The following ENPP3 variants were observed in gnomAD, a reference collection of about 807,000 sequenced individuals.
ENPP3 encodes ectonucleotide pyrophosphatase/phosphodiesterase family member 3.
ENPP3 carries 104 observed loss-of-function variants against 117.8 expected under a neutral mutation model. The ratio of observed to expected loss-of-function variants is 0.88; its 90% CI spans 0.75 to 1.04. The LOEUF (loss-of-function observed/expected upper bound fraction) is 1.04. Ranked by LOEUF, ENPP3 falls within the 50% of genes least tolerant of loss-of-function variation. The pLI is 0.00. For synonymous variants in ENPP3, 380 were observed against 349.9 expected, an observed-to-expected ratio of 1.09 and a Z score of -0.96; for missense variants, 1,026 against 1,051.9, an observed-to-expected ratio of 0.98 and a Z score of 0.34.
chr6:131,674,364 C>A, intron 8 of ENPP3, 83 bp downstream of exon 8: 2 of 1,338,432 alleles, frequency 1.5e-6, no homozygotes, highest in Non-Finnish European at 2.1e-6. Context: ...CTCAGTGGAG[C>A]AAGTTCTATG....
At position 131,685,403 on chromosome 6, in the gene ENPP3, CTGAT is replaced by C; in HGVS notation, c.1162_1165del (p.Asp388IlefsTer5). Reference sequence around the variant, plus strand: ...TATTGTAACAAGATGGAATACATGACTGATTATTTTCCCAGAATAAACTTCTTCT... The same window carrying C: ...TATTGTAACAAGATGGAATACATGACTATTTTCCCAGAATAAACTTCTTCT... On this transcript the variant is annotated frameshift_variant, in exon 13 of 25. Transcript: ENST00000357639. LOFTEE classifies it high-confidence loss of function. 6.2e-7 allele frequency: 1 copy of C among 1,612,204 alleles called. No individual in the cohort carries two copies. Among genetic ancestry groups the C allele is most frequent in the Non-Finnish European group, 8.5e-7 (1 of 1,178,350 alleles).
intron 2 of ENPP3, among the ~76,000 whole-genome samples, chr6:131,648,905 T>C (rs1400443257): frequency 2.0e-5 from 3 of 152,326 alleles, no homozygotes; most frequent in South Asian, 4.1e-4. Flanking sequence ...TCAGTATCTT[T>C]AGTTTATGTC....
At chr6:131,656,963 T>G (rs1411004514) in intron 5 of ENPP3, among the ~76,000 whole-genome samples, 1 of 152,122 alleles carries the variant, frequency 6.6e-6, no homozygotes, top group Non-Finnish European at 1.5e-5. Context: ...CCACTCTTGA[T>G]CCCAGAGACA....
intron 14 of ENPP3, among the ~76,000 whole-genome samples, chr6:131,690,368 G>T (rs1779251528): frequency 6.6e-6 from 1 of 152,168 alleles, no homozygotes; most frequent in African/African-American, 2.4e-5. Context: ...TGATCAGTCA[G>T]CAGCCATCAA....
chr6:131,675,444 C>A (rs1778846279), intron 9 of ENPP3: 1 of 370,568 alleles, frequency 2.7e-6, no homozygotes. Context: ...TCATCTCTTG[C>A]CTGTATTAAC....
intron 10 of ENPP3, 76 bp downstream of exon 10, chr6:131,676,877 TTTAAA>T: frequency 2.2e-6 from 2 of 905,344 alleles, no homozygotes; most frequent in Non-Finnish European, 3.5e-6. Context: ...TTTTTTTTAC[TTTAAA>T]TTACAATTTT....
chr6:131,723,825 T>TCACACACACA lies in ENPP3; in HGVS notation c.1747-214_1747-213insACACACACAC, dbSNP rs780029112. Among the ~76,000 whole-genome samples the TCACACACACA allele has an allele frequency of 4.9e-3, 692 of 140,834 alleles. 4 individuals carry two copies. Among genetic ancestry groups the TCACACACACA allele is most frequent in the Middle Eastern group, 0.027 (7 of 256 alleles). 92.4% of individuals were successfully genotyped at this position (140,834 alleles called of 152,430 possible). ...AATTCTCTCTCTCTCTCTCTCTCTC[T>TCACACACACA]CTCACACACACACACACACACACAC... On this transcript the variant is annotated intron_variant, in intron 18 of 24. Transcript: ENST00000357639.
intron 24 of ENPP3, among the ~76,000 whole-genome samples, chr6:131,744,911 G>A (rs949051774): frequency 1.3e-5 from 2 of 152,070 alleles, no homozygotes; most frequent in African/African-American, 4.8e-5. Context: ...CTAGTGCAGC[G>A]AGAGCAGTTG....
In ENPP3 at chr6:131,652,606, T is replaced by C; in HGVS notation, c.342T>C (p.Ser114=). 1 of 1,614,092 alleles carries C rather than the reference T, an allele frequency of 6.2e-7. No individual in the cohort carries two copies. The highest frequency in any genetic ancestry group is 8.5e-7 in the Non-Finnish European group (1 of 1,179,920). ...CCAGATTAGAGGCCAGCCTTTGCTC[T>C]TGTTCAGATGACTGTTTGCAGAGGA... is the stretch of plus-strand genomic sequence containing the variant. The part of the protein sequence containing the change: ...GETRLEASLC[S]CSDDCLQRKD... The change falls in exon 4 of 25, where the codon TCT becomes TCC. Residue 114 remains serine, a synonymous_variant. Coordinates refer to ENST00000357639, the MANE Select transcript of ENPP3 (RefSeq NM_005021.5).
Position 131,746,990 on chromosome 6 carries a change from T to C in ENPP3, c.*34T>C. On this transcript the variant is annotated 3_prime_UTR_variant, in exon 25 of 25. Coordinates refer to ENST00000357639, the MANE Select transcript of ENPP3 (RefSeq NM_005021.5). ...TGTCTACTTAATATATAATTTACTG[T>C]ATAAAGTAATTTTGGCAAAATATAA... is the stretch of plus-strand genomic sequence containing the variant. 5 of 1,218,514 alleles carry C rather than the reference T, an allele frequency of 4.1e-6. No individual in the cohort carries two copies. Among genetic ancestry groups the C allele is most frequent in the Non-Finnish European group, 5.5e-6 (5 of 906,658 alleles). The allele number at this position is 1,218,514 out of a possible 1,614,324, so 75.5% of individuals were successfully genotyped here.
chr6:131,740,336 C>A lies in ENPP3; in HGVS notation c.2413C>A (p.Pro805Thr). The A allele has an allele frequency of 6.2e-7, 1 of 1,612,234 alleles. No individual in the cohort carries two copies. Among genetic ancestry groups the A allele is most frequent in the African/African-American group, 1.3e-5 (1 of 74,964 alleles). ...CTGCCCTGGGTGGCTGGATGTCCTA[C>A]CCTTTATCATCCCTCACCGACCTAC... Reference protein sequence around the residue: ...ENCPGWLDVLPFIIPHRPTNV... With the variant: ...ENCPGWLDVLTFIIPHRPTNV... The change falls in exon 24 of 25, where the codon CCC (proline) becomes ACC (threonine). Residue 805 changes from proline to threonine, a missense_variant. Transcript: ENST00000357639.
Position 131,738,076 on chromosome 6 carries a change from C to T in ENPP3, c.2213C>T (p.Thr738Ile). Residue 738 changes from threonine to isoleucine, a missense_variant, in exon 23 of 25, where the codon ACA becomes ATA. Thr to Ile is a moderately conservative substitution (Grantham distance 89, BLOSUM62 -1). Transcript: ENST00000357639. ...FHSVLLIKHA[T>I]ERNGVNVVSG... Reference sequence around the variant, plus strand: ...AGTGTTCTTCTTATAAAACATGCCACAGAAAGAAATGGAGTAAATGTGGTT... The same window carrying T: ...AGTGTTCTTCTTATAAAACATGCCATAGAAAGAAATGGAGTAAATGTGGTT... The T allele has an allele frequency of 6.2e-7, 1 of 1,605,220 alleles. No individual in the cohort carries two copies. Among genetic ancestry groups the T allele is most frequent in the Non-Finnish European group, 8.5e-7 (1 of 1,173,820 alleles).
At chr6:131,668,992 G>A (rs1562439843) in intron 6 of ENPP3, among the ~76,000 whole-genome samples, 1 of 152,178 alleles carries the variant, frequency 6.6e-6, no homozygotes, top group Non-Finnish European at 1.5e-5. Flanking sequence ...CATATAACTA[G>A]GACGGTGCCA....
intron 18 of ENPP3, among the ~76,000 whole-genome samples, chr6:131,722,707 TCCTTATAAA>T (rs1437727558): frequency 6.6e-6 from 1 of 152,176 alleles, no homozygotes. Context: ...TCTCCAACTT[TCCTTATAAA>T]CCATTCTTCC....
intron 14 of ENPP3, among the ~76,000 whole-genome samples, chr6:131,690,299 A>G (rs55931014): frequency 0.081 from 12,391 of 152,096 alleles, 862 homozygotes; most frequent in East Asian, 0.33. Flanking sequence ...AGCCACCTTC[A>G]TTTCTGTCTC....
At chr6:131,730,041 A>G (rs12110545) in intron 20 of ENPP3, among the ~76,000 whole-genome samples, 13,425 of 152,228 alleles carry the variant, frequency 0.088, 1,921 homozygotes, top group African/African-American at 0.3. Context: ...TAACATTTTT[A>G]TAATTTTAAC....
At chr6:131,704,465 G>T in intron 15 of ENPP3, among the ~76,000 whole-genome samples, 2 of 111,802 alleles carry the variant, frequency 1.8e-5, no homozygotes, top group African/African-American at 4.2e-5. Context: ...ATTTACTTTT[G>T]AAAATTTTCT....
At chr6:131,674,071 A>G in intron 7 of ENPP3, 91 bp from the exon 8 acceptor site, 1 of 745,042 alleles carries the variant, frequency 1.3e-6, no homozygotes, top group Non-Finnish European at 2.2e-6. Context: ...TACCTTTCTT[A>G]GGTATGAGTA....
chr6:131,681,373 G>A (rs535646188), intron 11 of ENPP3, among the ~76,000 whole-genome samples: 1 of 152,106 alleles, frequency 6.6e-6, no homozygotes, highest in South Asian at 2.1e-4. Context: ...ATGCACTAAA[G>A]ACCTTAACTC....
Sources: allele counts gnomAD v4.1 joint callset (sites outside exome capture counted in the v4.1 genomes callset), GRCh38; gene constraint gnomAD v4.1.1; transcripts MANE v1.5; gene names NCBI Gene and HGNC (gene_info 2026-07-23, HGNC 2026-07-21).